Variants in PALLD observed in about 807,000 individuals in gnomAD.
PALLD encodes palladin.
Under a neutral mutation model 123.5 loss-of-function variants are expected in PALLD, and 61 were observed. The observed-to-expected ratio is 0.49, with a 90% CI of 0.40 to 0.61. The LOEUF (loss-of-function observed/expected upper bound fraction) is 0.61. PALLD is among the 20% of genes least tolerant of loss of function. The probability of loss-of-function intolerance (pLI) is 0.00; values close to 1 mark genes in which losing one functional copy is unlikely to be tolerated. For missense variants in PALLD, 1,273 were observed against 1,377.0 expected (o/e 0.92, Z 1.20); for synonymous variants, 465 against 496.4 (o/e 0.94, Z 0.84).
chr4:168,876,209 CGGAAT>C (rs1447248737), intron 10 of PALLD, among the ~76,000 whole-genome samples: 1 of 152,146 alleles, frequency 6.6e-6, no homozygotes, highest in African/African-American at 2.4e-5. Flanking sequence ...TTTGGGGACT[CGGAAT>C]GGAGAGTGCT....
chr4:168,721,927 C>G (rs902461855), intron 10 of PALLD, among the ~76,000 whole-genome samples: 19 of 152,306 alleles, frequency 1.2e-4, no homozygotes, highest in Admixed American at 2.0e-4. Flanking sequence ...TAACTTTACT[C>G]CTCCACAAAC....
chr4:168,703,961 GTT>G (rs1783965206), intron 8 of PALLD, among the ~76,000 whole-genome samples: 1 of 152,134 alleles, frequency 6.6e-6, no homozygotes, highest in African/African-American at 2.4e-5. Flanking sequence ...TGCTTTTGGT[GTT>G]TTAAGACATG....
chr4:168,689,389 G>A lies in PALLD; in HGVS notation c.1336-1214G>A, dbSNP rs1782389355. Reference sequence around the variant, plus strand: ...GTGTATATATGGATAAATTATGTTTGAGTTATTTTGAGAGTCCTACACCTT... The same window carrying A: ...GTGTATATATGGATAAATTATGTTTAAGTTATTTTGAGAGTCCTACACCTT... On this transcript the variant is annotated intron_variant, in intron 6 of 21. Coordinates refer to ENST00000505667, the MANE Select transcript of PALLD (RefSeq NM_001166108.2). Among the ~76,000 whole-genome samples, 6 of 133,294 alleles carry A rather than the reference G, an allele frequency of 4.5e-5. 1 individual carries two copies. The South Asian group carries it at 1.3e-3, about 29-fold the overall frequency. 87.4% of individuals were successfully genotyped at this position (133,294 alleles called of 152,430 possible).
intron 15 of PALLD, among the ~76,000 whole-genome samples, chr4:168,910,854 G>C (rs1758797705): frequency 1.3e-5 from 2 of 152,148 alleles, no homozygotes; most frequent in Admixed American, 1.3e-4. Flanking sequence ...TGGCAGGGGA[G>C]ATAGTGGTTA....
rs1197637992 is a variant in PALLD at position 168,785,844 on chromosome 4, GAGAT to G, written c.1964+73923_1964+73926del. ...ACAGAGTCAGTTCTAATAAACTGTAGAGATATATATATATATATATATATATATA... is the reference window on the plus strand; with the variant it reads ...ACAGAGTCAGTTCTAATAAACTGTAGATATATATATATATATATATATATA... On this transcript the variant is annotated intron_variant, in intron 10 of 21. Transcript: ENST00000505667. Among the ~76,000 whole-genome samples the G allele has an allele frequency of 2.6e-3, 136 of 53,176 alleles. 6 individuals carry two copies. Among genetic ancestry groups the G allele is most frequent in the African/African-American group, 5.1e-3 (90 of 17,652 alleles). 34.9% of individuals were successfully genotyped at this position (53,176 alleles called of 152,430 possible). A position where few individuals can be genotyped will look rare whatever the true frequency, so the allele number is the denominator to read the frequency against.
chr4:168,834,574 T>C (rs1744841532), intron 10 of PALLD, among the ~76,000 whole-genome samples: 2 of 152,084 alleles, frequency 1.3e-5, no homozygotes, highest in Non-Finnish European at 2.9e-5. Context: ...CGGTCTCTAC[T>C]AAAAATACAA....
At chr4:168,523,799 G>A (rs1763799612) in intron 2 of PALLD, among the ~76,000 whole-genome samples, 7 of 152,120 alleles carry the variant, frequency 4.6e-5, no homozygotes, top group Admixed American at 4.6e-4. Context: ...GTACTAAATT[G>A]TAGGAAGTTT....
chr4:168,595,841 T>C (rs1470495825), intron 2 of PALLD, among the ~76,000 whole-genome samples: 1 of 151,604 alleles, frequency 6.6e-6, no homozygotes, highest in Admixed American at 6.6e-5. Context: ...ACTACTTGAG[T>C]GACAAAATTA....
At chr4:168,806,177 T>G (rs1472683900) in intron 10 of PALLD, among the ~76,000 whole-genome samples, 1 of 152,218 alleles carries the variant, frequency 6.6e-6, no homozygotes, top group East Asian at 1.9e-4. Flanking sequence ...TTTTCCTGCC[T>G]CATCAGCCTC....
chr4:168,722,717 T>C lies in PALLD; in HGVS notation c.1964+10794T>C, dbSNP rs139622623. 6.0e-4 allele frequency among the ~76,000 whole-genome samples: 92 copies of C among 152,364 alleles called. 1 individual carries two copies. Among genetic ancestry groups the C allele is most frequent in the African/African-American group, 2.1e-3 (88 of 41,586 alleles). ...TTCAGTGAGCATGGTTTCATGACTT[T>C]ATTTCAGCAATAATGAGCACTGTGA... On this transcript the variant is annotated intron_variant, in intron 10 of 21. Coordinates refer to ENST00000505667, the MANE Select transcript of PALLD (RefSeq NM_001166108.2).
intron 2 of PALLD, among the ~76,000 whole-genome samples, chr4:168,566,720 C>T (rs1447828219): frequency 2.0e-5 from 3 of 152,116 alleles, no homozygotes; most frequent in African/African-American, 4.8e-5. Context: ...TCTACAGTGG[C>T]GTGAGGATTA....
intron 10 of PALLD, among the ~76,000 whole-genome samples, chr4:168,801,071 T>C (rs548716937): frequency 6.6e-6 from 1 of 152,320 alleles, no homozygotes; most frequent in Admixed American, 6.5e-5. Flanking sequence ...CCAAGTACCT[T>C]GCTCAGAGAT....
Position 168,511,112 on chromosome 4 carries a change from C to CA in PALLD, c.-82-309dup, listed in dbSNP as rs33925021. Among the ~76,000 whole-genome samples, 44,762 of 151,956 alleles carry CA rather than the reference C, an allele frequency of 0.29. 6,705 individuals carry two copies. The highest frequency in any genetic ancestry group is 0.33 in the Non-Finnish European group (22,445 of 67,950). ...ATTCTATTGATCTCATTACATTAAT[C>CA]AATTAGAGTTTGAGTAAGGTGGGCG... On this transcript the variant is annotated intron_variant, in intron 1 of 21. Coordinates refer to ENST00000505667, the MANE Select transcript of PALLD (RefSeq NM_001166108.2).
intron 2 of PALLD, among the ~76,000 whole-genome samples, chr4:168,634,742 G>C (rs1489479203): frequency 1.3e-5 from 2 of 152,182 alleles, no homozygotes; most frequent in African/African-American, 4.8e-5. Flanking sequence ...AAGGTTATGG[G>C]CATATGAAGT....
chr4:168,548,381 G>A (rs1766386812), intron 2 of PALLD, among the ~76,000 whole-genome samples: 2 of 149,916 alleles, frequency 1.3e-5, no homozygotes, highest in Admixed American at 1.3e-4. Context: ...AATACTCTCA[G>A]CAGATCATAT....
rs10007808 is a variant in PALLD, at chr4:168,890,531, A to G, written c.1965-391A>G. 7.6e-3 allele frequency among the ~76,000 whole-genome samples: 1,160 copies of G among 152,270 alleles called. 16 individuals are homozygous for G. Among genetic ancestry groups the G allele is most frequent in the African/African-American group, 0.026 (1,083 of 41,564 alleles). ...ACCTCTCAACATTCATATGTGGTAT[A>G]TATTTTTTTAAAACTTGCCCAAGGT... On this transcript the variant is annotated intron_variant, in intron 10 of 21. Transcript: ENST00000505667.
chr4:168,804,296 C>T (rs1338527005), intron 10 of PALLD, among the ~76,000 whole-genome samples: 3 of 152,220 alleles, frequency 2.0e-5, no homozygotes, highest in African/African-American at 7.2e-5. Flanking sequence ...TATATTTGCC[C>T]ACAAGTTGGT....
chr4:168,633,829 T>C (rs1452459048), intron 2 of PALLD, among the ~76,000 whole-genome samples: 1 of 152,024 alleles, frequency 6.6e-6, no homozygotes, highest in East Asian at 1.9e-4. Context: ...TCCATCAAGC[T>C]TTAATCATAC....
intron 10 of PALLD, among the ~76,000 whole-genome samples, chr4:168,879,505 G>T (rs1349622847): frequency 6.6e-6 from 1 of 152,168 alleles, no homozygotes; most frequent in African/African-American, 2.4e-5. Flanking sequence ...CTACTAAACA[G>T]TAAAAAGGAG....
Sources: gnomAD v4.1 joint callset for allele counts (sites outside exome capture counted in the v4.1 genomes callset) on GRCh38, gnomAD v4.1.1 for gene constraint, MANE v1.5 for transcripts, NCBI Gene and HGNC (gene_info 2026-07-23, HGNC 2026-07-21) for gene names.